DCC: variants seen among roughly 807,000 people sequenced by gnomAD.
DCC encodes netrin receptor DCC.
DCC carries 58 observed loss-of-function variants against 172.5 expected under a neutral mutation model. That is an observed-to-expected ratio of 0.34 (90% CI 0.27 to 0.42). DCC has a LOEUF of 0.42. Ranked by LOEUF, DCC falls within the 10% of genes least tolerant of loss-of-function variation. DCC has a pLI of 1.00. For synonymous variants in DCC, 709 were observed against 644.5 expected, an observed-to-expected ratio of 1.10 and a Z score of -1.52; for missense variants, 1,740 against 1,791.0, an observed-to-expected ratio of 0.97 and a Z score of 0.51.
chr18:53,233,273 G>T (rs1172145130), intron 12 of DCC, among the ~76,000 whole-genome samples: 1 of 152,098 alleles, frequency 6.6e-6, no homozygotes, highest in Non-Finnish European at 1.5e-5. Flanking sequence ...CACCTGTAGT[G>T]TCCTCCCTAT....
intron 1 of DCC, among the ~76,000 whole-genome samples, chr18:52,739,007 C>A (rs1443783737): frequency 6.6e-6 from 1 of 152,026 alleles, no homozygotes; most frequent in Non-Finnish European, 1.5e-5. Context: ...CTCGGCCTCC[C>A]TAATTGTATG....
rs373201469 is a variant in DCC at position 53,453,471 on chromosome 18, T to G, written c.3392+2809T>G. ...TAGAGAATATAAATTTTTCTTTATG[T>G]TTTTTTTGGGGGACTTGAATTACAT... On this transcript the variant is annotated intron_variant, in intron 23 of 28. Transcript: ENST00000442544. 1.4e-3 allele frequency among the ~76,000 whole-genome samples: 215 copies of G among 151,690 alleles called. 3 individuals carry two copies. The highest frequency in any genetic ancestry group is 6.8e-3 in the Middle Eastern group (2 of 292).
At chr18:53,051,244 T>A (rs899465864) in intron 5 of DCC, among the ~76,000 whole-genome samples, 3 of 152,142 alleles carry the variant, frequency 2.0e-5, no homozygotes, top group Non-Finnish European at 4.4e-5. Context: ...AATAAATACA[T>A]ACATGTTCAT....
At chr18:52,637,659 C>T (rs2034808608) in intron 1 of DCC, among the ~76,000 whole-genome samples, 1 of 152,312 alleles carries the variant, frequency 6.6e-6, no homozygotes, top group Non-Finnish European at 1.5e-5. Flanking sequence ...TCCAAGACGT[C>T]TGGGATTACG....
At chr18:52,838,269 G>C (rs6508166) in intron 2 of DCC, among the ~76,000 whole-genome samples, 147,586 of 152,290 alleles carry the variant, frequency 0.97, 71,691 homozygotes, top group Middle Eastern at 1. Flanking sequence ...TGAATTTTTT[G>C]TTCTACCAAG....
intron 1 of DCC, among the ~76,000 whole-genome samples, chr18:52,496,338 C>T (rs539344809): frequency 2.0e-5 from 3 of 152,206 alleles, no homozygotes; most frequent in African/African-American, 7.2e-5. Flanking sequence ...TTATTAATAA[C>T]CATGAGCATC....
At chr18:52,940,627 G>T (rs1411511955) in intron 5 of DCC, among the ~76,000 whole-genome samples, 1 of 152,108 alleles carries the variant, frequency 6.6e-6, no homozygotes, top group African/African-American at 2.4e-5. Flanking sequence ...GTGTGAATGG[G>T]GAAAATAATA....
chr18:52,526,092 G>A (rs758647881), intron 1 of DCC, among the ~76,000 whole-genome samples: 1 of 152,156 alleles, frequency 6.6e-6, no homozygotes, highest in South Asian at 2.1e-4. Flanking sequence ...CATAAGAAGT[G>A]GTGGTTGTCC....
intron 25 of DCC, among the ~76,000 whole-genome samples, chr18:53,472,366 A>G (rs890805704): frequency 2.0e-5 from 3 of 152,180 alleles, no homozygotes; most frequent in African/African-American, 4.8e-5. Context: ...CCTAGCTGTC[A>G]TACCCTGTGA....
In DCC at chr18:53,467,926, T is replaced by G. The variant is rs1568151137; in HGVS notation, c.3652T>G (p.Ser1218Ala). Residue 1218 changes from serine (S) to alanine (A), a missense_variant, in exon 25 of 29, where the codon TCC becomes GCC. Physicochemically the swap from Ser to Ala is moderately conservative, Grantham distance 99. Transcript: ENST00000442544. ...QDTEEAGSSM[S>A]TLERSLAARR... Reference sequence around the variant, plus strand: ...CACTGAGGAAGCAGGGAGCTCTATGTCCACTCTGGAGAGGTCGCTGGCTGC... The same window carrying G: ...CACTGAGGAAGCAGGGAGCTCTATGGCCACTCTGGAGAGGTCGCTGGCTGC... 6.2e-7 allele frequency: 1 copy of G among 1,611,306 alleles called. No individual in the cohort carries two copies. The highest frequency in any genetic ancestry group is 8.5e-7 in the Non-Finnish European group (1 of 1,177,632).
intron 2 of DCC, among the ~76,000 whole-genome samples, chr18:52,797,737 G>A (rs892996745): frequency 2.6e-5 from 4 of 152,208 alleles, no homozygotes; most frequent in Non-Finnish European, 4.4e-5. Flanking sequence ...TGTACAATTT[G>A]TATGGGTGCT....
At chr18:53,171,051 A>T (rs752382333) in intron 8 of DCC, among the ~76,000 whole-genome samples, 6 of 152,034 alleles carry the variant, frequency 3.9e-5, no homozygotes, top group Non-Finnish European at 8.8e-5. Flanking sequence ...TGCCCGGCTA[A>T]TTTTTGTATT....
chr18:53,476,568 T>A (rs939692437), intron 25 of DCC, among the ~76,000 whole-genome samples: 1 of 152,216 alleles, frequency 6.6e-6, no homozygotes, highest in African/African-American at 2.4e-5. Flanking sequence ...TTGTGAGGCC[T>A]TCCCAGCCAT....
At chr18:53,016,672 G>C (rs1352760040) in intron 5 of DCC, among the ~76,000 whole-genome samples, 1 of 152,068 alleles carries the variant, frequency 6.6e-6, no homozygotes, top group African/African-American at 2.4e-5. Context: ...GGGAGTGAGA[G>C]TACTTTGTCT....
chr18:53,426,153 G>C lies in DCC; in HGVS notation c.3164-8991G>C, dbSNP rs1025935279. Among the ~76,000 whole-genome samples the C allele has an allele frequency of 1.2e-4, 18 of 150,708 alleles. No homozygotes were observed. In the East Asian group the frequency reaches 3.5e-3, roughly 29 times the overall value. On this transcript the variant is annotated intron_variant, in intron 21 of 28. Coordinates refer to ENST00000442544, the MANE Select transcript of DCC (RefSeq NM_005215.4). ...TCAGTTTTTGTCCACTCTCCCTTGT[G>C]AGACATCAAGAATGTGGGAATGAGA... is the stretch of plus-strand genomic sequence containing the variant.
intron 1 of DCC, among the ~76,000 whole-genome samples, chr18:52,622,531 G>T (rs1420501216): frequency 6.6e-6 from 1 of 152,102 alleles, no homozygotes; most frequent in Non-Finnish European, 1.5e-5. Context: ...GACATCGTTG[G>T]CACCAGCCCA....
chr18:52,824,386 T>C (rs554866576), intron 2 of DCC, among the ~76,000 whole-genome samples: 1 of 152,340 alleles, frequency 6.6e-6, no homozygotes, highest in South Asian at 2.1e-4. Context: ...AGAAATGTTC[T>C]GGAAAAGCTA....
intron 12 of DCC, among the ~76,000 whole-genome samples, chr18:53,292,489 C>A (rs2057017699): frequency 6.6e-6 from 1 of 152,136 alleles, no homozygotes; most frequent in Non-Finnish European, 1.5e-5. Context: ...AAGTTCAAGA[C>A]CAGCCTGCCC....
chr18:52,532,722 T>TC (rs2032186227), intron 1 of DCC, among the ~76,000 whole-genome samples: 1 of 152,112 alleles, frequency 6.6e-6, no homozygotes, highest in Non-Finnish European at 1.5e-5. Flanking sequence ...TGTTTTTTTT[T>TC]CTGAGGGCCT....
Sources: gnomAD v4.1 joint callset for allele counts (sites outside exome capture counted in the v4.1 genomes callset) on GRCh38, gnomAD v4.1.1 for gene constraint, MANE v1.5 for transcripts, NCBI Gene and HGNC (gene_info 2026-07-23, HGNC 2026-07-21) for gene names.